RAB3IL1: variants seen among roughly 807,000 people sequenced by gnomAD.
RAB3IL1 encodes the protein guanine nucleotide exchange factor for Rab-3A.
Under a neutral mutation model 49.2 loss-of-function variants are expected in RAB3IL1, and 37 were observed. The observed-to-expected ratio is 0.75, with a 90% CI of 0.58 to 0.99. The LOEUF (loss-of-function observed/expected upper bound fraction) is 0.99, where lower values mean the gene tolerates loss of function less well. Ranked by LOEUF, RAB3IL1 falls within the 50% of genes least tolerant of loss-of-function variation. RAB3IL1 has a pLI of 0.00. For synonymous variants in RAB3IL1, 193 were observed against 213.9 expected (o/e 0.90, Z 0.85); for missense variants, 484 against 513.0 (o/e 0.94, Z 0.55).
chr11:61,928,409 G>GGAGCTAGGACCCTCAAAATACACA, the RAB3IL1 span, among the ~76,000 whole-genome samples: 2 of 151,762 alleles, frequency 1.3e-5, no homozygotes, highest in African/African-American at 2.4e-5. Context: ...CAAAATATAT[G>GGAGCTAGGACCCTCAAAATACACA]GAGCTAGGAC....
chr11:61,926,614 C>T, the RAB3IL1 span, among the ~76,000 whole-genome samples: 4 of 152,096 alleles, frequency 2.6e-5, no homozygotes, highest in African/African-American at 7.2e-5. Flanking sequence ...AGTGTAGTGC[C>T]GCCATCTCAG....
At chr11:61,945,812 G>A in the RAB3IL1 span, 13 of 985,312 alleles carry the variant, frequency 1.3e-5, no homozygotes, top group East Asian at 2.3e-4. Flanking sequence ...GGGGGACCTC[G>A]CAGCACAGTG....
upstream of RAB3IL1, among the ~76,000 whole-genome samples, chr11:61,922,636 T>G (rs1182947293): frequency 6.6e-6 from 1 of 152,098 alleles, no homozygotes; most frequent in African/African-American, 2.4e-5. Context: ...TGCCTGTACT[T>G]CCCTCTTCTT....
At position 61,904,889 on chromosome 11, in the gene RAB3IL1, G is replaced by A; in HGVS notation, c.658-7C>T. 1.3e-6 allele frequency: 2 copies of A among 1,584,046 alleles called. No individual in the cohort carries two copies. The highest frequency in any genetic ancestry group is 1.7e-6 in the Non-Finnish European group (2 of 1,164,464). On this transcript the variant is annotated splice_region_variant and splice_polypyrimidine_tract_variant and intron_variant, in intron 5 of 9. Transcript: ENST00000394836. ...CAAACAGGATTGTGTCCACCTGTGG[G>A]GGAGGGCAAGCGAGGGTGGGGGCGG...
At chr11:61,931,495 A>T in the RAB3IL1 span, among the ~76,000 whole-genome samples, 1,569 of 152,292 alleles carry the variant, frequency 0.01, 33 homozygotes, top group African/African-American at 0.036. Flanking sequence ...AGTTTTTAAG[A>T]TCTCGCTCTT....
chr11:61,932,769 AT>A, the RAB3IL1 span, among the ~76,000 whole-genome samples: 1,519 of 134,030 alleles, frequency 0.011, 2 homozygotes, highest in East Asian at 0.025. Flanking sequence ...ACTATAGTTC[AT>A]TTTTTTTTTT....
Position 61,904,600 on chromosome 11 carries a change from G to A in RAB3IL1, c.845C>T (p.Ala282Val). 3 of 1,613,420 alleles carry A rather than the reference G, an allele frequency of 1.9e-6. No individual in the cohort carries two copies. The South Asian group carries it at 3.3e-5, about 18-fold the overall frequency. Residue 282 changes from alanine (A) to valine (V), a missense_variant, in exon 7 of 10, where the codon GCT (alanine) becomes GTT (valine). Physicochemically the swap from Ala to Val is moderately conservative, Grantham distance 64. Coordinates refer to ENST00000394836, the MANE Select transcript of RAB3IL1 (RefSeq NM_013401.4). ...EDNTLTIEPV[A>V]SQTLPTVKVA... ...CTTCACTGTGGGCAGCGTCTGCGAA[G>A]CCACCGGCTCAATGGTGAGCGTGTT...
Position 61,906,722 on chromosome 11 carries a change from C to A in RAB3IL1, c.439-38G>T, listed in dbSNP as rs1447733783. On this transcript the variant is annotated intron_variant, in intron 4 of 9. Coordinates refer to ENST00000394836, the MANE Select transcript of RAB3IL1 (RefSeq NM_013401.4). This position sits in a 1 kb window ranked among gnomAD's most constrained non-coding sequence, Gnocchi z 4.6. Reference sequence around the variant, plus strand: ...GGATGGCTGTCAACCCTCACCCAGACTGGATGCCATCCTGGCTGCCACCGC... The same window carrying A: ...GGATGGCTGTCAACCCTCACCCAGAATGGATGCCATCCTGGCTGCCACCGC... The A allele has an allele frequency of 1.3e-6, 2 of 1,558,626 alleles. No individual in the cohort carries two copies. The highest frequency in any genetic ancestry group is 1.7e-6 in the Non-Finnish European group (2 of 1,146,922).
Position 61,917,445 on chromosome 11 carries a change from G to T in RAB3IL1, c.-78C>A. The stretch of plus-strand genomic sequence containing the variant: ...CAGCGCCGCGTCCCCGCCCGCCGCC[G>T]ACTCCGCCAGGGGCCGAGCCGCCCC... On this transcript the variant is annotated 5_prime_UTR_variant, in exon 1 of 10. Transcript: ENST00000394836. 1.7e-6 allele frequency: 2 copies of T among 1,180,930 alleles called. No homozygotes were observed. The highest frequency in any genetic ancestry group is 1.0e-6 in the Non-Finnish European group (1 of 957,234). 73.2% of individuals were successfully genotyped at this position (1,180,930 alleles called of 1,614,324 possible).
rs1489082512 is a variant in RAB3IL1, at chr11:61,917,381, G to A, written c.-14C>T. The A allele has an allele frequency of 1.6e-6, 2 of 1,243,360 alleles. No individual in the cohort carries two copies. The highest frequency in any genetic ancestry group is 1.6e-5 in the African/African-American group (1 of 63,940). 77.0% of individuals were successfully genotyped at this position (1,243,360 alleles called of 1,614,324 possible). On this transcript the variant is annotated 5_prime_UTR_variant, in exon 1 of 10. Transcript: ENST00000394836. ...CCCGCTCCACATCCCGGCGCCTCGG[G>A]GCGCCCAGGCGTCCGTTCCCAGCGC... is the stretch of plus-strand genomic sequence containing the variant.
chr11:61,917,375 C>T lies in RAB3IL1; in HGVS notation c.-8G>A. On this transcript the variant is annotated 5_prime_UTR_variant, in exon 1 of 10. Transcript: ENST00000394836. Reference sequence around the variant, plus strand: ...GACCTACCCGCTCCACATCCCGGCGCCTCGGGGCGCCCAGGCGTCCGTTCC... The same window carrying T: ...GACCTACCCGCTCCACATCCCGGCGTCTCGGGGCGCCCAGGCGTCCGTTCC... 2 of 1,249,804 alleles carry T rather than the reference C, an allele frequency of 1.6e-6. No homozygotes were observed. Among genetic ancestry groups the T allele is most frequent in the Admixed American group, 4.2e-5 (1 of 23,850 alleles). The allele number at this position is 1,249,804 out of a possible 1,614,324, so 77.4% of individuals were successfully genotyped here.
the RAB3IL1 span, among the ~76,000 whole-genome samples, chr11:61,925,354 C>G: frequency 1.3e-5 from 2 of 152,076 alleles, no homozygotes; most frequent in Non-Finnish European, 2.9e-5. Context: ...CATATAGAGC[C>G]GGGTGCAGTG....
chr11:61,931,875 G>A, the RAB3IL1 span, among the ~76,000 whole-genome samples: 1 of 152,170 alleles, frequency 6.6e-6, no homozygotes, highest in Non-Finnish European at 1.5e-5. Flanking sequence ...CAGAAAGAAA[G>A]AAATGGAAAA....
the RAB3IL1 span, among the ~76,000 whole-genome samples, chr11:61,930,037 C>T: frequency 2.0e-4 from 31 of 151,676 alleles, no homozygotes; most frequent in African/African-American, 6.3e-4. Flanking sequence ...GGACTACAGG[C>T]GAATGCCACC....
chr11:61,908,705 A>T (rs985507390), intron 1 of RAB3IL1, among the ~76,000 whole-genome samples: 1 of 152,188 alleles, frequency 6.6e-6, no homozygotes, highest in African/African-American at 2.4e-5. Flanking sequence ...TGATCAGAGG[A>T]GGTGTGGGTA....
At chr11:61,905,765 G>C (rs1051448208) in intron 5 of RAB3IL1, among the ~76,000 whole-genome samples, 1 of 152,178 alleles carries the variant, frequency 6.6e-6, no homozygotes. Context: ...ACAGCCCTCT[G>C]AGGCACTACC....
the RAB3IL1 span, among the ~76,000 whole-genome samples, chr11:61,941,967 T>C: frequency 6.6e-6 from 1 of 152,244 alleles, no homozygotes. Flanking sequence ...TCTTAGCACG[T>C]TGTGAGGCCT....
At chr11:61,918,024 T>C (rs1238518583), upstream of RAB3IL1, among the ~76,000 whole-genome samples, 1 of 152,182 alleles carries the variant, frequency 6.6e-6, no homozygotes, top group Non-Finnish European at 1.5e-5. Context: ...CTGAGTTTTA[T>C]CCCGAAGGAG....
chr11:61,940,207 C>T, the RAB3IL1 span, among the ~76,000 whole-genome samples: 4 of 151,576 alleles, frequency 2.6e-5, no homozygotes, highest in African/African-American at 7.3e-5. Context: ...TTTGGGAGGC[C>T]GAGGCTGGCA....
Sources: gnomAD v4.1 joint callset for allele counts (sites outside exome capture counted in the v4.1 genomes callset) on GRCh38, gnomAD v4.1.1 for gene constraint, Gnocchi (gnomAD v3.1) non-coding constraint, MANE v1.5 for transcripts, NCBI Gene and HGNC (gene_info 2026-07-23, HGNC 2026-07-21) for gene names.